The following CEP43 variants were observed in gnomAD, a reference collection of about 807,000 sequenced individuals.
The protein encoded by CEP43 is FGFR1 oncogene partner.
Under a neutral mutation model 52.6 loss-of-function variants are expected in CEP43, and 36 were observed. The observed-to-expected ratio is 0.68, with a 90% confidence interval of 0.52 to 0.90. The LOEUF (loss-of-function observed/expected upper bound fraction) is 0.90, where lower values mean the gene tolerates loss of function less well. CEP43 is among the 40% of genes least tolerant of loss of function. The pLI, the probability that CEP43 is intolerant of heterozygous loss-of-function variation, is 0.00. For missense variants in CEP43, 506 were observed against 472.8 expected (o/e 1.07, Z -0.65); for synonymous variants, 192 against 172.4 (o/e 1.11, Z -0.89).
In CEP43 at chr6:167,041,385, G is replaced by A; in HGVS notation, c.*1407G>A. On this transcript the variant is annotated 3_prime_UTR_variant, in exon 13 of 13. Transcript: ENST00000366847. ...GTAGGACATAAACTGGGCCGGTACAGCCTGGGAGCCCTGTGTATTTCTGCC... is the reference window on the plus strand; with the variant it reads ...GTAGGACATAAACTGGGCCGGTACAACCTGGGAGCCCTGTGTATTTCTGCC... 1 of 1,060,900 alleles carries A rather than the reference G, an allele frequency of 9.4e-7. No individual in the cohort carries two copies. Among genetic ancestry groups the A allele is most frequent in the South Asian group, 4.6e-5 (1 of 21,946 alleles). The allele number at this position is 1,060,900 out of a possible 1,614,324, so 65.7% of individuals were successfully genotyped here.
chr6:167,049,408 T>C lies in CEP43; in HGVS notation c.*9430T>C, dbSNP rs1780841291. 6.6e-6 allele frequency: 1 copy of C among 152,256 alleles called. No individual in the cohort carries two copies. The highest frequency in any genetic ancestry group is 2.4e-5 in the African/African-American group (1 of 41,462). The allele number at this position is 152,256 out of a possible 1,614,324, so 9.4% of individuals were successfully genotyped here. A position where few individuals can be genotyped will look rare whatever the true frequency, so the allele number is the denominator to read the frequency against. ...CTCAGCTCCCTGTCTGGCAACCACTTCCTGTCTCTTCAGAGTTGCCTCTTC... is the reference window on the plus strand; with the variant it reads ...CTCAGCTCCCTGTCTGGCAACCACTCCCTGTCTCTTCAGAGTTGCCTCTTC... On this transcript the variant is annotated 3_prime_UTR_variant, in exon 13 of 13. Coordinates refer to ENST00000366847, the MANE Select transcript of CEP43 (RefSeq NM_007045.4).
intron 12 of CEP43, among the ~76,000 whole-genome samples, chr6:167,035,469 C>T (rs1204001102): frequency 2.0e-5 from 3 of 151,992 alleles, no homozygotes; most frequent in Non-Finnish European, 4.4e-5. Context: ...GGAGATAGCC[C>T]AGTGGAATGG....
At chr6:167,029,365 G>A (rs528410461) in intron 10 of CEP43, among the ~76,000 whole-genome samples, 22 of 152,348 alleles carry the variant, frequency 1.4e-4, no homozygotes, top group Admixed American at 5.2e-4. Flanking sequence ...TAATGCAAAT[G>A]CTTGGGACCA....
intron 5 of CEP43, among the ~76,000 whole-genome samples, chr6:167,006,253 A>G (rs1779850980): frequency 1.3e-5 from 2 of 152,256 alleles, no homozygotes; most frequent in Admixed American, 6.5e-5. Context: ...GCGGTAGCTC[A>G]TGCCTGTAAT....
chr6:167,016,929 G>A (rs180725438), intron 7 of CEP43, among the ~76,000 whole-genome samples: 3 of 151,642 alleles, frequency 2.0e-5, no homozygotes, highest in East Asian at 1.9e-4. Context: ...AGATTCAGTC[G>A]TATGTAAATG....
In CEP43 at chr6:167,013,545, G is replaced by A. The variant is rs781301988; in HGVS notation, c.557G>A (p.Ser186Asn). 5 of 1,613,760 alleles carry A rather than the reference G, an allele frequency of 3.1e-6. No homozygotes were observed. The East Asian group carries it at 6.7e-5, about 22-fold the overall frequency. The stretch of plus-strand genomic sequence containing the variant: ...AAAGGACAAGGTAAGAAGAAGACAA[G>A]CGGGCAGAAGGCTGGTGACAAGGTA... ...RYKGQGKKKT[S>N]GQKAGDKKAN... The change falls in exon 7 of 13, where the codon AGC (serine) becomes AAC (asparagine). Residue 186 changes from serine (S) to asparagine (N), a missense_variant. Coordinates refer to ENST00000366847, the MANE Select transcript of CEP43 (RefSeq NM_007045.4).
chr6:167,041,588 G>A lies in CEP43; in HGVS notation c.*1610G>A, dbSNP rs530707432. 251 of 1,047,690 alleles carry A rather than the reference G, an allele frequency of 2.4e-4. No individual in the cohort carries two copies. Among genetic ancestry groups the A allele is most frequent in the Non-Finnish European group, 2.8e-4 (239 of 868,278 alleles). 64.9% of individuals were successfully genotyped at this position (1,047,690 alleles called of 1,614,324 possible). A position where few individuals can be genotyped will look rare whatever the true frequency, so the allele number is the denominator to read the frequency against. Reference sequence around the variant, plus strand: ...AAAGCACTATAGTTCTGGTCCCCTGGAATCTGGATCACATGTATGATTTAT... The same window carrying A: ...AAAGCACTATAGTTCTGGTCCCCTGAAATCTGGATCACATGTATGATTTAT... On this transcript the variant is annotated 3_prime_UTR_variant, in exon 13 of 13. Transcript: ENST00000366847.
chr6:167,019,324 A>G (rs1246859262), intron 7 of CEP43, among the ~76,000 whole-genome samples: 2 of 151,412 alleles, frequency 1.3e-5, no homozygotes, highest in African/African-American at 2.4e-5. Context: ...GCACACGGGT[A>G]CACCTGCTGT....
At chr6:167,024,930 A>G in intron 9 of CEP43, 36 bp downstream of exon 9, 1 of 1,159,086 alleles carries the variant, frequency 8.6e-7, no homozygotes, top group South Asian at 1.3e-5. Flanking sequence ...AATACTCGGG[A>G]TATTTTTTCT....
At chr6:167,029,891 T>G (rs112278986) in intron 10 of CEP43, among the ~76,000 whole-genome samples, 213 of 152,312 alleles carry the variant, frequency 1.4e-3, no homozygotes, top group Middle Eastern at 3.4e-3. Context: ...TCTTACAAAG[T>G]ACATTCTCAA....
rs1455564623 is a variant in CEP43, at chr6:167,041,136, A to G, written c.*1158A>G. On this transcript the variant is annotated 3_prime_UTR_variant, in exon 13 of 13. Transcript: ENST00000366847. ...CTTTTTACTACAAGTTAACTTTATT[A>G]GTAAAAGGAGCAAATTAGACCTAAT... 1.9e-6 allele frequency: 2 copies of G among 1,042,932 alleles called. No individual in the cohort carries two copies. The highest frequency in any genetic ancestry group is 2.3e-6 in the Non-Finnish European group (2 of 865,358). The allele number at this position is 1,042,932 out of a possible 1,614,324, so 64.6% of individuals were successfully genotyped here.
rs182730964 is a variant in CEP43, at chr6:167,003,063, C to T, written c.157-130C>T. On this transcript the variant is annotated intron_variant, in intron 2 of 12. Transcript: ENST00000366847. The stretch of plus-strand genomic sequence containing the variant: ...ATTACTAAATAGCACAAAGTAAGTC[C>T]TGTAGTAATTAACAGTTGTAGAATG... The T allele has an allele frequency of 2.2e-3, 1,063 of 488,732 alleles. 2 individuals are homozygous for T. The highest frequency in any genetic ancestry group is 3.7e-3 in the South Asian group (108 of 29,030). 30.3% of individuals were successfully genotyped at this position (488,732 alleles called of 1,614,324 possible).
Position 167,013,531 on chromosome 6 carries a change from T to A in CEP43, c.543T>A (p.Gly181=). Residue 181 remains glycine (G), a synonymous_variant, in exon 7 of 13, where the codon GGT becomes GGA. Coordinates refer to ENST00000366847, the MANE Select transcript of CEP43 (RefSeq NM_007045.4). ...AGATACCAAGGTATAAAGGACAAGG[T>A]AAGAAGAAGACAAGCGGGCAGAAGG... is the stretch of plus-strand genomic sequence containing the variant. ...PSKIPRYKGQ[G]KKKTSGQKAG... 6.2e-7 allele frequency: 1 copy of A among 1,613,684 alleles called. No homozygotes were observed. Among genetic ancestry groups the A allele is most frequent in the Non-Finnish European group, 8.5e-7 (1 of 1,179,700 alleles).
chr6:167,025,810 T>A (rs1356457401), intron 9 of CEP43, among the ~76,000 whole-genome samples: 1 of 152,202 alleles, frequency 6.6e-6, no homozygotes, highest in African/African-American at 2.4e-5. Context: ...CATTCTGACA[T>A]TGATTAGAGA....
chr6:167,007,679 A>G (rs914813717), intron 5 of CEP43, among the ~76,000 whole-genome samples: 16 of 152,216 alleles, frequency 1.1e-4, no homozygotes, highest in African/African-American at 3.6e-4. Flanking sequence ...TTGACTGTAG[A>G]AAACTAGCTA....
At chr6:167,000,221 T>A in intron 2 of CEP43, 108 bp downstream of exon 2, 1 of 826,322 alleles carries the variant, frequency 1.2e-6, no homozygotes, top group Admixed American at 2.7e-5. Context: ...CTAGGGATAA[T>A]TTTGAACTGT....
intron 5 of CEP43, among the ~76,000 whole-genome samples, chr6:167,007,803 T>A (rs907645372): frequency 5.3e-5 from 8 of 152,190 alleles, no homozygotes; most frequent in Admixed American, 2.0e-4. Context: ...TTTGTTTGGT[T>A]TTATTGGATG....
chr6:167,004,723 C>T (rs967132707), intron 5 of CEP43, among the ~76,000 whole-genome samples: 2 of 129,514 alleles, frequency 1.5e-5, no homozygotes, highest in African/African-American at 5.7e-5. Flanking sequence ...GAAGTGGGCT[C>T]TACCAGGCCC....
chr6:167,034,714 C>G (rs1283416116), intron 12 of CEP43, among the ~76,000 whole-genome samples: 4 of 152,230 alleles, frequency 2.6e-5, no homozygotes, highest in Non-Finnish European at 5.9e-5. Context: ...CAATCTAAGT[C>G]AGCAGCATCC....
Sources: gnomAD v4.1 joint callset for allele counts (sites outside exome capture counted in the v4.1 genomes callset) on GRCh38, gnomAD v4.1.1 for gene constraint, MANE v1.5 for transcripts, NCBI Gene and HGNC (gene_info 2026-07-23, HGNC 2026-07-21) for gene names.